Variants in DCAF6 observed in about 807,000 individuals in gnomAD.
The protein encoded by DCAF6 is DDB1- and CUL4-associated factor 6.
DCAF6 carries 54 observed loss-of-function variants against 125.1 expected under a neutral mutation model. That is an observed-to-expected ratio of 0.43 (90% CI 0.35 to 0.54). The LOEUF is 0.54. Ranked by LOEUF, DCAF6 falls within the 20% of genes least tolerant of loss-of-function variation. The pLI is 0.01. For missense variants in DCAF6, 934 were observed against 1,161.7 expected (o/e 0.80, Z 2.85); for synonymous variants, 371 against 390.4 (o/e 0.95, Z 0.58).
intron 12 of DCAF6, among the ~76,000 whole-genome samples, chr1:168,029,974 C>T (rs1057469390): frequency 2.8e-5 from 4 of 140,390 alleles, no homozygotes; most frequent in East Asian, 2.0e-4. Flanking sequence ...AGCAAGACTC[C>T]GTCTCAAAAA....
chr1:168,044,227 T>G (rs888032166), intron 14 of DCAF6, among the ~76,000 whole-genome samples: 2 of 152,138 alleles, frequency 1.3e-5, no homozygotes, highest in African/African-American at 2.4e-5. Context: ...GCTGGAGTAT[T>G]AAGTTGATGT....
the DCAF6 span, among the ~76,000 whole-genome samples, chr1:167,894,109 A>T: frequency 6.6e-6 from 1 of 152,182 alleles, no homozygotes; most frequent in Admixed American, 6.6e-5. Context: ...GGGGAAATCC[A>T]AAGAGGAGCT....
intron 21 of DCAF6, among the ~76,000 whole-genome samples, chr1:168,069,401 A>G (rs1692757132): frequency 1.3e-5 from 2 of 152,124 alleles, no homozygotes; most frequent in African/African-American, 2.4e-5. Flanking sequence ...GCCCTCTTTG[A>G]TTTTTGGGGA....
chr1:168,068,479 A>G lies in DCAF6; in HGVS notation c.2791+16A>G, dbSNP rs1692623195. 1.5e-6 allele frequency: 2 copies of G among 1,341,206 alleles called. No individual in the cohort carries two copies. Among genetic ancestry groups the G allele is most frequent in the African/African-American group, 1.5e-5 (1 of 66,290 alleles). 83.1% of individuals were successfully genotyped at this position (1,341,206 alleles called of 1,614,324 possible). On this transcript the variant is annotated intron_variant, in intron 21 of 21. Transcript: ENST00000367840. ...ATCCGAGCTGGTAGGAACTTTAAGT[A>G]TACTACTAAAACCATTTTTATATTT...
intron 14 of DCAF6, among the ~76,000 whole-genome samples, 170 bp downstream of exon 14, chr1:168,043,310 AAGCAGTTAAAATGAGGAGACAC>A (rs1688782274): frequency 6.6e-6 from 1 of 152,184 alleles, no homozygotes; most frequent in African/African-American, 2.4e-5. Flanking sequence ...TGGGGACCTT[AAGCAGTTAAAATGAGGAGACAC>A]AGTGAAGCAC....
the DCAF6 span, among the ~76,000 whole-genome samples, chr1:167,891,727 G>A: frequency 1.3e-5 from 2 of 151,218 alleles, no homozygotes; most frequent in African/African-American, 4.9e-5. Context: ...CCTGAATTTT[G>A]TTAATTAAAT....
intron 2 of DCAF6, among the ~76,000 whole-genome samples, chr1:167,959,933 T>C (rs1675317234): frequency 6.6e-6 from 1 of 152,158 alleles, no homozygotes; most frequent in Non-Finnish European, 1.5e-5. Context: ...ATTATCACCA[T>C]ACCCAAGGTC....
chr1:167,927,567 T>C, the DCAF6 span, among the ~76,000 whole-genome samples: 1 of 152,244 alleles, frequency 6.6e-6, no homozygotes, highest in Non-Finnish European at 1.5e-5. Context: ...ACTTCTCTTG[T>C]TCTATTTGAA....
intron 12 of DCAF6, among the ~76,000 whole-genome samples, chr1:168,037,586 G>A (rs1322976924): frequency 6.6e-6 from 1 of 151,608 alleles, no homozygotes; most frequent in African/African-American, 2.4e-5. Context: ...TTTGGCAGGT[G>A]GGGAAGGTAG....
chr1:168,013,980 ACT>A (rs1316824183), intron 10 of DCAF6, among the ~76,000 whole-genome samples: 1 of 151,852 alleles, frequency 6.6e-6, no homozygotes, highest in African/African-American at 2.4e-5. Flanking sequence ...TCAAAGTGAT[ACT>A]CTCGCCTTGG....
intron 2 of DCAF6, among the ~76,000 whole-genome samples, chr1:167,962,874 G>A (rs995740494): frequency 3.3e-5 from 5 of 152,200 alleles, no homozygotes; most frequent in African/African-American, 1.2e-4. Context: ...AGAATTGCTT[G>A]AACCCAGGAG....
chr1:168,014,926 T>C (rs943089069), intron 10 of DCAF6, among the ~76,000 whole-genome samples: 4 of 152,126 alleles, frequency 2.6e-5, no homozygotes, highest in African/African-American at 9.7e-5. Flanking sequence ...TTATTCACTA[T>C]CCCCTTTACC....
chr1:167,939,742 G>A (rs1671938203), intron 1 of DCAF6, among the ~76,000 whole-genome samples: 1 of 151,210 alleles, frequency 6.6e-6, no homozygotes, highest in Admixed American at 6.6e-5. Flanking sequence ...CAGCCTGGGC[G>A]ACAGAGGGAA....
chr1:168,037,103 C>CTTTTTTTTTTTT (rs752448825), intron 12 of DCAF6, among the ~76,000 whole-genome samples: 1 of 148,274 alleles, frequency 6.7e-6, no homozygotes, highest in African/African-American at 2.5e-5. Context: ...TTCTCCCCCC[C>CTTTTTTTTTTTT]CTTTTTTTTT....
At chr1:168,006,049 G>A (rs1393247591) in intron 10 of DCAF6, among the ~76,000 whole-genome samples, 1 of 152,094 alleles carries the variant, frequency 6.6e-6, no homozygotes, top group African/African-American at 2.4e-5. Flanking sequence ...TGAACATATT[G>A]ATCAATTATA....
At chr1:167,937,968 TTTCAA>T (rs1184841982) in intron 1 of DCAF6, among the ~76,000 whole-genome samples, 3 of 152,224 alleles carry the variant, frequency 2.0e-5, no homozygotes, top group Non-Finnish European at 4.4e-5. Context: ...TTGTTTTTGA[TTTCAA>T]GTAAAGAGAA....
At chr1:167,886,416 T>C in the DCAF6 span, among the ~76,000 whole-genome samples, 6 of 152,144 alleles carry the variant, frequency 3.9e-5, no homozygotes, top group Non-Finnish European at 5.9e-5. Flanking sequence ...CATCTGATCT[T>C]TGACAAACCT....
At chr1:167,937,081 T>C in intron 1 of DCAF6, 73 bp downstream of exon 1, 1 of 1,331,066 alleles carries the variant, frequency 7.5e-7, no homozygotes, top group Non-Finnish European at 1.1e-6. Context: ...CTGCCGGGTC[T>C]GTTGGAGGTG....
the DCAF6 span, among the ~76,000 whole-genome samples, chr1:167,922,622 C>G: frequency 6.6e-6 from 1 of 151,844 alleles, no homozygotes; most frequent in Non-Finnish European, 1.5e-5. Context: ...CTCCCTAGAT[C>G]TCTGTAAAAT....
Sources: gnomAD v4.1 joint callset for allele counts (sites outside exome capture counted in the v4.1 genomes callset) on GRCh38, gnomAD v4.1.1 for gene constraint, MANE v1.5 for transcripts, NCBI Gene and HGNC (gene_info 2026-07-23, HGNC 2026-07-21) for gene names.